Variants in AFG3L2 observed in about 807,000 individuals in gnomAD.
AFG3L2 encodes the protein mitochondrial inner membrane m-AAA protease component AFG3L2.
A neutral mutation model predicts 94.5 loss-of-function variants in AFG3L2; 54 were observed. The observed-to-expected ratio is 0.57, with a 90% CI of 0.46 to 0.72. The LOEUF (loss-of-function observed/expected upper bound fraction) is 0.72. Among genes scored for constraint, AFG3L2 ranks in the 30% least tolerant of loss-of-function variants. The pLI, the probability that AFG3L2 is intolerant of heterozygous loss-of-function variation, is 0.00. For synonymous variants in AFG3L2, 377 were observed against 365.5 expected (o/e 1.03, Z -0.36); for missense variants, 754 against 994.9 (o/e 0.76, Z 3.26).
At chr18:12,351,256 C>G in intron 11 of AFG3L2, 46 bp from the exon 12 acceptor site, 1 of 1,614,082 alleles carries the variant, frequency 6.2e-7, no homozygotes, top group Non-Finnish European at 8.5e-7. Context: ...TTGAAACAGT[C>G]ACACCTACAC....
chr18:12,337,093 A>G (rs796126377), intron 16 of AFG3L2: 1 of 607,896 alleles, frequency 1.6e-6, no homozygotes, highest in African/African-American at 1.8e-5. Context: ...GGTTACTGAC[A>G]GACTTCATTA....
intron 6 of AFG3L2, among the ~76,000 whole-genome samples, chr18:12,361,565 T>A (rs1765230267): frequency 6.6e-6 from 1 of 152,144 alleles, no homozygotes. Context: ...GAGAACTTCT[T>A]GAACCTGGGA....
At chr18:12,354,128 T>TCCC (rs1200634370) in intron 9 of AFG3L2, among the ~76,000 whole-genome samples, 1 of 52,656 alleles carries the variant, frequency 1.9e-5, no homozygotes, top group African/African-American at 1.0e-4. Flanking sequence ...ACCTGCCCAC[T>TCCC]CCCACCCCCC....
rs1257703513 is a variant in AFG3L2, at chr18:12,377,135, G to A, written c.-53C>T. ...GGACGCTGCGCAGGCGCGGGCAGGC[G>A]ACGACTGGCGGCCTCGGGAAGCGGG... is the stretch of plus-strand genomic sequence containing the variant. On this transcript the variant is annotated 5_prime_UTR_variant, in exon 1 of 17. Transcript: ENST00000269143. 5 of 1,279,102 alleles carry A rather than the reference G, an allele frequency of 3.9e-6. No homozygotes were observed. Among genetic ancestry groups the A allele is most frequent in the Admixed American group, 6.4e-5 (2 of 31,334 alleles). The allele number at this position is 1,279,102 out of a possible 1,614,324, so 79.2% of individuals were successfully genotyped here.
chr18:12,365,877 T>C (rs949454297), intron 5 of AFG3L2, among the ~76,000 whole-genome samples: 7 of 146,490 alleles, frequency 4.8e-5, no homozygotes, highest in Admixed American at 2.0e-4. Flanking sequence ...AATTCTTTTT[T>C]TTTTTTTTTT....
intron 14 of AFG3L2, chr18:12,343,102 C>T (rs181407518): frequency 6.6e-6 from 1 of 152,198 alleles, no homozygotes; most frequent in Non-Finnish European, 1.5e-5. Context: ...CAAAGTCCAC[C>T]TCTATTTTTA....
At position 12,377,219 on chromosome 18, in the gene AFG3L2, C is replaced by A; in HGVS notation, c.-137G>T. 3 of 688,994 alleles carry A rather than the reference C, an allele frequency of 4.4e-6. No homozygotes were observed. The highest frequency in any genetic ancestry group is 1.9e-5 in the African/African-American group (1 of 51,986). 42.7% of individuals were successfully genotyped at this position (688,994 alleles called of 1,614,324 possible). On this transcript the variant is annotated 5_prime_UTR_variant, in exon 1 of 17. Transcript: ENST00000269143. The stretch of plus-strand genomic sequence containing the variant: ...CGCGCCGGCGGCTCACGGAGGAGCC[C>A]AAGCTCTCAACGCGGCGTCTCCTGC...
chr18:12,359,857 C>T, intron 7 of AFG3L2, 70 bp downstream of exon 7: 2 of 1,582,342 alleles, frequency 1.3e-6, no homozygotes, highest in South Asian at 2.2e-5. Context: ...AGCCCTGCAC[C>T]CAGGGACAGA....
Position 12,329,565 on chromosome 18 carries a change from C to G in AFG3L2, c.2394G>C (p.Ter798TyrextTer32), listed in dbSNP as rs772687780. The change falls in exon 17 of 17, where the codon TAG becomes TAC. Residue 798 changes from the stop codon to tyrosine, a stop_lost. Transcript: ENST00000269143. ...EEPPGEKVAN* is the reference protein window; with the variant it reads ...EEPPGEKVANY ...ACTGAGATGGCCTCCCTCTGGGCCT[C>G]TAGTTGGCAACTTTCTCACCCGGGG... 3.1e-5 allele frequency: 50 copies of G among 1,613,806 alleles called. No homozygotes were observed. The South Asian group carries it at 5.2e-4, about 17-fold the overall frequency.
In AFG3L2 at chr18:12,359,777, T is replaced by C. The variant is rs1356379209; in HGVS notation, c.752+150A>G. 8.1e-6 allele frequency: 8 copies of C among 990,208 alleles called. No homozygotes were observed. The African/African-American group carries it at 1.2e-4, about 14-fold the overall frequency. 61.3% of individuals were successfully genotyped at this position (990,208 alleles called of 1,614,324 possible). A position where few individuals can be genotyped will look rare whatever the true frequency, so the allele number is the denominator to read the frequency against. ...GAAAATGAATGAGTCATGCAAAAAC[T>C]AGTGAGTTACTAATAGTTTTTTAAA... On this transcript the variant is annotated intron_variant, in intron 7 of 16. Coordinates refer to ENST00000269143, the MANE Select transcript of AFG3L2 (RefSeq NM_006796.3).
At chr18:12,362,973 T>C (rs531594949) in intron 6 of AFG3L2, among the ~76,000 whole-genome samples, 1 of 152,314 alleles carries the variant, frequency 6.6e-6, no homozygotes, top group South Asian at 2.1e-4. Context: ...TTAATAGGCA[T>C]TGCATCACTA....
chr18:12,329,846 T>C, intron 16 of AFG3L2, 63 bp from the exon 17 acceptor site: 2 of 1,437,556 alleles, frequency 1.4e-6, no homozygotes, highest in East Asian at 2.4e-5. Context: ...GAAATATTAA[T>C]TTTTTATTTA....
intron 14 of AFG3L2, 121 bp from the exon 15 acceptor site, chr18:12,340,522 G>T: frequency 3.7e-6 from 3 of 803,686 alleles, no homozygotes; most frequent in Non-Finnish European, 6.5e-6. Flanking sequence ...CAGTTCATCA[G>T]CCTTAGTGGG....
chr18:12,377,073 G>T lies in AFG3L2; in HGVS notation c.10C>A (p.Arg4Ser), dbSNP rs770110473. Residue 4 changes from arginine to serine, a missense_variant, in exon 1 of 17, where the codon CGC becomes AGC. This residue lies in a region of AFG3L2 where 236 missense variants were observed against 214.0 expected (regional missense o/e 1.10). Coordinates refer to ENST00000269143, the MANE Select transcript of AFG3L2 (RefSeq NM_006796.3). ...CCCCGGCCCCACAGCCGCAAACAGC[G>T]GTGCGCCATGGCCGCCGCCGTGGCC... MAH[R>S]CLRLWGRGGC... 1 of 1,424,494 alleles carries T rather than the reference G, an allele frequency of 7.0e-7. No homozygotes were observed. The highest frequency in any genetic ancestry group is 2.6e-5 in the Admixed American group (1 of 38,344). 88.2% of individuals were successfully genotyped at this position (1,424,494 alleles called of 1,614,324 possible).
intron 3 of AFG3L2, among the ~76,000 whole-genome samples, chr18:12,370,473 TTTTTTTC>T (rs776731980): frequency 0.06 from 7,887 of 132,304 alleles, 266 homozygotes; most frequent in East Asian, 0.14. Flanking sequence ...CTTTTTTTTT[TTTTTTTC>T]TTTTTTTTTT....
chr18:12,337,223 A>G (rs1907773912), intron 16 of AFG3L2, 118 bp downstream of exon 16: 1 of 914,270 alleles, frequency 1.1e-6, no homozygotes, highest in Non-Finnish European at 1.8e-6. Context: ...GAACGGACCC[A>G]TGGGTGAGCC....
chr18:12,343,786 G>A (rs1908032341), intron 14 of AFG3L2: 1 of 358,700 alleles, frequency 2.8e-6, no homozygotes, highest in South Asian at 2.6e-5. Context: ...GGATAATAAA[G>A]ACTATGTCTC....
At chr18:12,339,640 G>A (rs1013181902) in intron 15 of AFG3L2, among the ~76,000 whole-genome samples, 15 of 150,962 alleles carry the variant, frequency 9.9e-5, no homozygotes, top group African/African-American at 3.6e-4. Flanking sequence ...ACAAGGTCAG[G>A]AGATAAGACC....
At chr18:12,340,140 T>G in intron 15 of AFG3L2, 61 bp downstream of exon 15, 1 of 1,451,136 alleles carries the variant, frequency 6.9e-7, no homozygotes, top group Non-Finnish European at 9.7e-7. Flanking sequence ...ATTCATAGAA[T>G]GTCAATTTCT....
Sources: gnomAD v4.1 joint callset for allele counts (sites outside exome capture counted in the v4.1 genomes callset) on GRCh38, gnomAD v4.1.1 for gene constraint, gnomAD v4.1.1 regional missense constraint, MANE v1.5 for transcripts, NCBI Gene and HGNC (gene_info 2026-07-23, HGNC 2026-07-21) for gene names.